Variants in CCDC180 observed in about 807,000 individuals in gnomAD.
The protein encoded by CCDC180 is coiled-coil domain containing 180, also known as coiled-coil domain-containing protein 180.
Under a neutral mutation model 209.2 loss-of-function variants are expected in CCDC180, and 154 were observed. That is an observed-to-expected ratio of 0.74 (90% CI 0.65 to 0.84). The LOEUF (loss-of-function observed/expected upper bound fraction) is 0.84, where lower values mean the gene tolerates loss of function less well. Ranked by LOEUF, CCDC180 falls within the 40% of genes least tolerant of loss-of-function variation. CCDC180 has a pLI of 0.00. For synonymous variants in CCDC180, 778 were observed against 749.1 expected, an observed-to-expected ratio of 1.04 and a Z score of -0.63; for missense variants, 1,874 against 1,997.3, an observed-to-expected ratio of 0.94 and a Z score of 1.18.
At chr9:97,331,516 C>T (rs1351904431) in intron 18 of CCDC180, among the ~76,000 whole-genome samples, 2 of 152,226 alleles carry the variant, frequency 1.3e-5, no homozygotes, top group South Asian at 2.1e-4. Flanking sequence ...ACACTCCCAC[C>T]AGCAGTGAAT....
chr9:97,314,836 C>A lies in CCDC180; in HGVS notation c.700-15C>A. 6.2e-7 allele frequency: 1 copy of A among 1,607,008 alleles called. No individual in the cohort carries two copies. Among genetic ancestry groups the A allele is most frequent in the Non-Finnish European group, 8.5e-7 (1 of 1,173,496 alleles). On this transcript the variant is annotated splice_polypyrimidine_tract_variant and intron_variant, in intron 7 of 36. Coordinates refer to ENST00000529487, the MANE Select transcript of CCDC180 (RefSeq NM_020893.6). Reference sequence around the variant, plus strand: ...AGGAAGTGAGCCACTAAGTATGGTGCCTTGTCATTTCTAGCTAAAAAGCGT... The same window carrying A: ...AGGAAGTGAGCCACTAAGTATGGTGACTTGTCATTTCTAGCTAAAAAGCGT...
rs1833435276 is a variant in CCDC180 at position 97,323,790 on chromosome 9, C to T, written c.1258C>T (p.Leu420=). The change falls in exon 13 of 37, where the codon CTG becomes TTG. Residue 420 remains leucine (L), a synonymous_variant. Transcript: ENST00000529487. The part of the protein sequence containing the change: ...MHVQNCKKQL[L]DWKAFTEEEA... ...GTCCCACACACTCCAGAAGCAGCTG[C>T]TGGACTGGAAAGCCTTCACTGAGGA... is the stretch of plus-strand genomic sequence containing the variant. The T allele has an allele frequency of 1.9e-6, 3 of 1,558,820 alleles. No individual in the cohort carries two copies. Among genetic ancestry groups the T allele is most frequent in the Non-Finnish European group, 2.6e-6 (3 of 1,150,456 alleles).
chr9:97,360,400 A>G (rs978179236), intron 26 of CCDC180, among the ~76,000 whole-genome samples: 1 of 151,724 alleles, frequency 6.6e-6, no homozygotes, highest in East Asian at 1.9e-4. Context: ...AGCCAGTCCC[A>G]CCTCTCAGCC....
At chr9:97,310,820 GC>G (rs1203805944) in intron 3 of CCDC180, among the ~76,000 whole-genome samples, 1 of 152,050 alleles carries the variant, frequency 6.6e-6, no homozygotes, top group Non-Finnish European at 1.5e-5. Context: ...AAATCCACTG[GC>G]CCACCCAAGC....
intron 9 of CCDC180, 121 bp from the exon 10 acceptor site, chr9:97,318,342 G>A: frequency 8.2e-7 from 1 of 1,217,784 alleles, no homozygotes; most frequent in Non-Finnish European, 1.1e-6. Context: ...AAGGGGCTGG[G>A]GGTGGTGTTA....
At chr9:97,348,018 A>G (rs1472889097) in intron 20 of CCDC180, among the ~76,000 whole-genome samples, 1 of 152,134 alleles carries the variant, frequency 6.6e-6, no homozygotes, top group East Asian at 1.9e-4. Context: ...TGTACAAGAT[A>G]CAGCCTCCAA....
At chr9:97,357,568 G>A in intron 24 of CCDC180, 59 bp from the exon 25 acceptor site, 3 of 1,136,484 alleles carry the variant, frequency 2.6e-6, no homozygotes, top group Non-Finnish European at 3.9e-6. Context: ...TTCACAGAAT[G>A]TTTCCCAGAT....
chr9:97,312,241 C>A, intron 4 of CCDC180, 40 bp downstream of exon 4: 2 of 1,566,882 alleles, frequency 1.3e-6, no homozygotes, highest in Non-Finnish European at 1.8e-6. Context: ...CTGTCCTGGG[C>A]CAGGATGAGA....
At chr9:97,365,527 G>A in intron 29 of CCDC180, 146 bp from the exon 30 acceptor site, 3 of 718,310 alleles carry the variant, frequency 4.2e-6, no homozygotes, top group Non-Finnish European at 7.6e-6. Context: ...GAATCAGAGT[G>A]TGCAGAGGTC....
chr9:97,330,269 A>G (rs965845610), intron 17 of CCDC180, 53 bp from the exon 18 acceptor site: 1 of 1,610,988 alleles, frequency 6.2e-7, no homozygotes, highest in Non-Finnish European at 8.5e-7. Flanking sequence ...GGCCCAATCC[A>G]GGCAGCATCA....
In CCDC180 at chr9:97,325,806, C is replaced by T. The variant is rs189008546; in HGVS notation, c.1545+614C>T. Among the ~76,000 whole-genome samples, 6 of 152,354 alleles carry T rather than the reference C, an allele frequency of 3.9e-5. No individual in the cohort carries two copies. In the East Asian group the frequency reaches 7.7e-4, roughly 20 times the overall value. ...CCCAGTGCCTATCACAGCCTGAGCT[C>T]TCTCTCATTCAAAGAAGCCACTGAC... On this transcript the variant is annotated intron_variant, in intron 14 of 36. Coordinates refer to ENST00000529487, the MANE Select transcript of CCDC180 (RefSeq NM_020893.6).
In CCDC180 at chr9:97,354,600, A is replaced by G. The variant is rs1826516822; in HGVS notation, c.3034A>G (p.Lys1012Glu). 6 of 1,614,202 alleles carry G rather than the reference A, an allele frequency of 3.7e-6. No individual in the cohort carries two copies. Among genetic ancestry groups the G allele is most frequent in the South Asian group, 3.3e-5 (3 of 91,080 alleles). ...LFSEGGNFSP[K>E]EINSLCSRLE... ...TTCAGAGGGAGGCAACTTTTCTCCT[A>G]AAGAAATCAATTCACTGTGTTCCCG... The change falls in exon 23 of 37, where the codon AAA (lysine) becomes GAA (glutamate). Residue 1012 changes from lysine to glutamate, a missense_variant. Transcript: ENST00000529487.
At chr9:97,371,534 C>T in intron 33 of CCDC180, 61 bp from the exon 34 acceptor site, 1 of 1,066,818 alleles carries the variant, frequency 9.4e-7, no homozygotes, top group Non-Finnish European at 1.4e-6. Context: ...ATCCCCTCTT[C>T]AGCTGGCCTT....
Position 97,375,519 on chromosome 9 carries a change from C to T in CCDC180, c.4772C>T (p.Ser1591Leu), listed in dbSNP as rs936367677. 6.2e-7 allele frequency: 1 copy of T among 1,614,226 alleles called. No homozygotes were observed. ...IQNKILLQPT[S>L]SISTTKTTLG... ...AACAAGATTCTTCTCCAGCCAACATCATCGATTTCCACCACCAAAACCACC... is the reference window on the plus strand; with the variant it reads ...AACAAGATTCTTCTCCAGCCAACATTATCGATTTCCACCACCAAAACCACC... Residue 1591 changes from serine to leucine, a missense_variant, in exon 36 of 37, where the codon TCA (serine) becomes TTA (leucine). Transcript: ENST00000529487.
At chr9:97,345,312 T>TA (rs1387070296) in intron 19 of CCDC180, among the ~76,000 whole-genome samples, 2 of 152,250 alleles carry the variant, frequency 1.3e-5, no homozygotes, top group Admixed American at 1.3e-4. Context: ...AAGTGGTTTT[T>TA]AACAGTTTTA....
At chr9:97,326,717 A>G (rs1230699137) in intron 15 of CCDC180, 48 bp downstream of exon 15, 3 of 1,224,640 alleles carry the variant, frequency 2.4e-6, no homozygotes, top group Middle Eastern at 1.9e-4. Context: ...TCAGGAATTC[A>G]TCTTCAAGGT....
At chr9:97,347,626 A>C (rs1452013488) in intron 20 of CCDC180, 137 bp downstream of exon 20, 1 of 834,732 alleles carries the variant, frequency 1.2e-6, no homozygotes, top group Non-Finnish European at 1.8e-6. Context: ...ACCATGGAAG[A>C]TGTACATGAG....
At chr9:97,376,496 G>A in intron 36 of CCDC180, 2 of 348,650 alleles carry the variant, frequency 5.7e-6, no homozygotes, top group South Asian at 5.8e-5. Context: ...TGAGCCTAGA[G>A]TCAGATAGAC....
At position 97,343,755 on chromosome 9, in the gene CCDC180, A is replaced by G. The variant is rs908954796; in HGVS notation, c.2498+192A>G. The G allele has an allele frequency of 1.2e-5, 7 of 575,114 alleles. 1 individual carries two copies. Among genetic ancestry groups the G allele is most frequent in the East Asian group, 3.0e-5 (1 of 33,794 alleles). 35.6% of individuals were successfully genotyped at this position (575,114 alleles called of 1,614,324 possible). A position where few individuals can be genotyped will look rare whatever the true frequency, so the allele number is the denominator to read the frequency against. ...CCAGGAATTATTTGCAGTCACAGAT[A>G]TCTTCTGTGAGAGTGACCCCCTGCA... On this transcript the variant is annotated intron_variant, in intron 19 of 36. Transcript: ENST00000529487.
Sources: gnomAD v4.1 joint callset for allele counts (sites outside exome capture counted in the v4.1 genomes callset) on GRCh38, gnomAD v4.1.1 for gene constraint, MANE v1.5 for transcripts, NCBI Gene and HGNC (gene_info 2026-07-23, HGNC 2026-07-21) for gene names.